Variants in ALK observed in about 807,000 individuals in gnomAD.
ALK encodes the protein ALK receptor tyrosine kinase, also known as ALK tyrosine kinase receptor.
A neutral mutation model predicts 163.1 loss-of-function variants in ALK; 74 were observed. The observed-to-expected ratio is 0.45, with a 90% CI of 0.38 to 0.55. ALK has a LOEUF of 0.55. Ranked by LOEUF, ALK falls within the 20% of genes least tolerant of loss-of-function variation. ALK has a pLI of 0.00. For synonymous variants in ALK, 960 were observed against 843.2 expected (o/e 1.14, Z -2.40); for missense variants, 2,063 against 2,105.3 (o/e 0.98, Z 0.39).
At chr2:29,419,513 G>A (rs1290854751) in intron 4 of ALK, among the ~76,000 whole-genome samples, 1 of 151,426 alleles carries the variant, frequency 6.6e-6, no homozygotes, top group Non-Finnish European at 1.5e-5. Flanking sequence ...AAAGGTTACA[G>A]AATTGGGGAG....
intron 3 of ALK, among the ~76,000 whole-genome samples, chr2:29,652,550 G>A (rs943214204): frequency 3.3e-5 from 5 of 152,102 alleles, no homozygotes; most frequent in African/African-American, 1.2e-4. Context: ...ACTGATGACT[G>A]GCAGCCCCTA....
intron 11 of ALK, among the ~76,000 whole-genome samples, chr2:29,259,036 T>C (rs1665020078): frequency 1.3e-5 from 2 of 152,242 alleles, no homozygotes; most frequent in African/African-American, 4.8e-5. Flanking sequence ...TTCATATTGA[T>C]ATTTCCAACT....
chr2:29,633,164 C>T (rs927217591), intron 3 of ALK, among the ~76,000 whole-genome samples: 1 of 85,298 alleles, frequency 1.2e-5, no homozygotes, highest in Non-Finnish European at 3.0e-5. Context: ...TGGACTAAGT[C>T]CATGATGATC....
intron 26 of ALK, among the ~76,000 whole-genome samples, chr2:29,204,057 T>A (rs372829023): frequency 6.6e-6 from 1 of 152,164 alleles, no homozygotes; most frequent in African/African-American, 2.4e-5. Context: ...AGCTTCACAC[T>A]CCATCCTTTT....
intron 2 of ALK, among the ~76,000 whole-genome samples, chr2:29,695,604 A>C (rs1430522690): frequency 6.6e-6 from 1 of 152,234 alleles, no homozygotes; most frequent in Non-Finnish European, 1.5e-5. Flanking sequence ...AAAATTTTGC[A>C]ATCTATCCAC....
chr2:29,441,731 C>T (rs146265752), intron 4 of ALK, among the ~76,000 whole-genome samples: 229 of 152,244 alleles, frequency 1.5e-3, no homozygotes, highest in African/African-American at 5.4e-3. Context: ...TTTCTCAAGA[C>T]TTTGATTTGG....
At chr2:29,264,840 G>A (rs904600237) in intron 11 of ALK, among the ~76,000 whole-genome samples, 4 of 152,288 alleles carry the variant, frequency 2.6e-5, no homozygotes, top group East Asian at 3.9e-4. Flanking sequence ...GTAAGTGGAC[G>A]TTTGCTGAAA....
chr2:29,518,294 G>A (rs1672724395), intron 4 of ALK, among the ~76,000 whole-genome samples: 1 of 152,176 alleles, frequency 6.6e-6, no homozygotes, highest in Admixed American at 6.5e-5. Context: ...GGGGAACAAA[G>A]GGGCAAAGCT....
intron 28 of ALK, among the ~76,000 whole-genome samples, chr2:29,194,661 C>A (rs1341177747): frequency 8.0e-6 from 1 of 124,254 alleles, no homozygotes; most frequent in African/African-American, 2.9e-5. Flanking sequence ...CCCACCCCCC[C>A]ACCCCCCCAC....
chr2:29,895,134 A>G (rs1667236879), intron 1 of ALK, among the ~76,000 whole-genome samples: 1 of 152,118 alleles, frequency 6.6e-6, no homozygotes, highest in Non-Finnish European at 1.5e-5. Flanking sequence ...ATGCCTGGAG[A>G]TAAGGCAGGA....
At position 29,328,496 on chromosome 2, in the gene ALK, G is replaced by T. The variant is rs768150530; in HGVS notation, c.1283-15C>A. On this transcript the variant is annotated splice_polypyrimidine_tract_variant and intron_variant, in intron 5 of 28. Transcript: ENST00000389048. Reference sequence around the variant, plus strand: ...TGGGGATGTTCCTGGAGAGCACACAGACACACAACCATGGTAAGTTTGCAT... The same window carrying T: ...TGGGGATGTTCCTGGAGAGCACACATACACACAACCATGGTAAGTTTGCAT... The T allele has an allele frequency of 1.2e-5, 19 of 1,614,116 alleles. No individual in the cohort carries two copies. The East Asian group carries it at 3.1e-4, about 27-fold the overall frequency.
intron 2 of ALK, among the ~76,000 whole-genome samples, chr2:29,702,888 G>T (rs1300670496): frequency 6.6e-6 from 1 of 152,238 alleles, no homozygotes; most frequent in Non-Finnish European, 1.5e-5. Context: ...GACATGTAGG[G>T]ATTATGGGAG....
intron 4 of ALK, among the ~76,000 whole-genome samples, chr2:29,496,083 G>A (rs927566679): frequency 6.6e-6 from 1 of 152,078 alleles, no homozygotes; most frequent in Non-Finnish European, 1.5e-5. Context: ...CTCTGCTCAG[G>A]AATAGACTAT....
intron 4 of ALK, among the ~76,000 whole-genome samples, chr2:29,392,882 T>A (rs1432148407): frequency 6.6e-6 from 1 of 152,216 alleles, no homozygotes; most frequent in Non-Finnish European, 1.5e-5. Context: ...CTGGTCAAGG[T>A]TACTGAGTGT....
Position 29,193,158 on chromosome 2 carries a change from C to A in ALK, c.*66G>T. ...ATTTGGTCTCTGGTTTGTGAAGGAG[C>A]CATTGCCTCTCTCTCCTCCACGGTC... On this transcript the variant is annotated 3_prime_UTR_variant, in exon 29 of 29. Coordinates refer to ENST00000389048, the MANE Select transcript of ALK (RefSeq NM_004304.5). The A allele has an allele frequency of 8.3e-7, 1 of 1,210,712 alleles. No individual in the cohort carries two copies. Among genetic ancestry groups the A allele is most frequent in the Non-Finnish European group, 1.1e-6 (1 of 870,740 alleles). 75.0% of individuals were successfully genotyped at this position (1,210,712 alleles called of 1,614,324 possible). A position where few individuals can be genotyped will look rare whatever the true frequency, so the allele number is the denominator to read the frequency against.
At chr2:29,841,019 C>T (rs948177824) in intron 1 of ALK, among the ~76,000 whole-genome samples, 1 of 152,174 alleles carries the variant, frequency 6.6e-6, no homozygotes, top group Non-Finnish European at 1.5e-5. Flanking sequence ...AAGTATTACT[C>T]TAAGAATCAT....
chr2:29,706,889 G>C (rs934944311), intron 2 of ALK, among the ~76,000 whole-genome samples: 22 of 151,936 alleles, frequency 1.4e-4, no homozygotes, highest in Non-Finnish European at 3.1e-4. Flanking sequence ...CTAGGGCTTG[G>C]AGCAGTAAGA....
chr2:29,221,219 C>CTTCTGCCTTAGAAGCA (rs770126042), intron 22 of ALK: 40 of 538,194 alleles, frequency 7.4e-5, no homozygotes, highest in Non-Finnish European at 1.1e-5. Context: ...TGAAGCAAAA[C>CTTCTGCCTTAGAAGCA]AACTGCTTCC....
rs2148197766 is a variant in ALK at position 29,251,283 on chromosome 2, A to G, written c.2042-16T>C. On this transcript the variant is annotated splice_polypyrimidine_tract_variant and intron_variant, in intron 11 of 28. Transcript: ENST00000389048. ...AGCCAATGAACTGTGGCACAAGAGG[A>G]GAGGCAGTCACTCATGTGGCCAGGC... is the stretch of plus-strand genomic sequence containing the variant. 6.2e-7 allele frequency: 1 copy of G among 1,611,218 alleles called. No homozygotes were observed. Among genetic ancestry groups the G allele is most frequent in the Non-Finnish European group, 8.5e-7 (1 of 1,178,988 alleles).
Sources: gnomAD v4.1 joint callset for allele counts (sites outside exome capture counted in the v4.1 genomes callset) on GRCh38, gnomAD v4.1.1 for gene constraint, MANE v1.5 for transcripts, NCBI Gene and HGNC (gene_info 2026-07-23, HGNC 2026-07-21) for gene names.